The following RPS6KC1 variants were observed in gnomAD, a reference collection of about 807,000 sequenced individuals.
The protein encoded by RPS6KC1 is ribosomal protein S6 kinase C1, also known as inactive ribosomal protein S6 kinase delta-1.
RPS6KC1 carries 54 observed loss-of-function variants against 103.8 expected under a neutral mutation model. The observed-to-expected ratio is 0.52, with a 90% CI of 0.42 to 0.65. The LOEUF is 0.65. RPS6KC1 is among the 30% of genes least tolerant of loss of function. The probability of loss-of-function intolerance (pLI) is 0.00; values close to 1 mark genes in which losing one functional copy is unlikely to be tolerated. For synonymous variants in RPS6KC1, 439 were observed against 438.7 expected (o/e 1.00, Z -0.01); for missense variants, 1,151 against 1,253.8 (o/e 0.92, Z 1.24).
the RPS6KC1 span, among the ~76,000 whole-genome samples, chr1:213,487,863 T>C: frequency 1.3e-5 from 2 of 150,070 alleles, no homozygotes; most frequent in African/African-American, 4.9e-5. Flanking sequence ...TTTCCTACCT[T>C]ATCTACACAT....
At chr1:213,354,574 G>T in the RPS6KC1 span, among the ~76,000 whole-genome samples, 3 of 152,314 alleles carry the variant, frequency 2.0e-5, no homozygotes, top group East Asian at 5.8e-4. Context: ...TCTTATAAAG[G>T]TTGAGAGTCC....
the RPS6KC1 span, among the ~76,000 whole-genome samples, chr1:213,363,401 GCT>G: frequency 6.6e-6 from 1 of 152,172 alleles, no homozygotes. Flanking sequence ...CTGAGCACCT[GCT>G]CTAGGATGTC....
the RPS6KC1 span, among the ~76,000 whole-genome samples, chr1:213,357,200 T>C: frequency 6.6e-6 from 1 of 151,656 alleles, no homozygotes; most frequent in African/African-American, 2.4e-5. Context: ...TCAGCTTTCT[T>C]GGTGATTGTT....
chr1:213,102,578 A>T (rs1317610640), intron 3 of RPS6KC1, among the ~76,000 whole-genome samples: 2 of 152,186 alleles, frequency 1.3e-5, no homozygotes, highest in African/African-American at 4.8e-5. Flanking sequence ...GCTGGCAATT[A>T]CAATTTTTTT....
intron 8 of RPS6KC1, among the ~76,000 whole-genome samples, chr1:213,206,312 G>C (rs997789637): frequency 6.6e-6 from 1 of 152,220 alleles, no homozygotes; most frequent in African/African-American, 2.4e-5. Context: ...TACAGATCTT[G>C]TGGTCTATCT....
chr1:213,535,486 A>G, the RPS6KC1 span, among the ~76,000 whole-genome samples: 1 of 152,094 alleles, frequency 6.6e-6, no homozygotes, highest in African/African-American at 2.4e-5. Context: ...GGGCCCTGGG[A>G]GCCCCTCAGT....
In RPS6KC1 at chr1:213,245,375, C is replaced by G. The variant is rs150574442; in HGVS notation, c.2911+2717C>G. Among the ~76,000 whole-genome samples, 495 of 152,252 alleles carry G rather than the reference C, an allele frequency of 3.3e-3. 4 individuals carry two copies. The highest frequency in any genetic ancestry group is 0.013 in the South Asian group (65 of 4,822). On this transcript the variant is annotated intron_variant, in intron 12 of 14. Coordinates refer to ENST00000366960, the MANE Select transcript of RPS6KC1 (RefSeq NM_012424.6). ...AAGTAATTTCCTTTCATGTGATCCC[C>G]TCCCTCTTACTTCCCAAGTCTAACC...
At chr1:213,312,265 C>T in the RPS6KC1 span, among the ~76,000 whole-genome samples, 3 of 152,028 alleles carry the variant, frequency 2.0e-5, no homozygotes, top group African/African-American at 7.2e-5. Flanking sequence ...GGGGCAACTG[C>T]ACCCCATGGC....
chr1:213,636,322 G>T, the RPS6KC1 span, among the ~76,000 whole-genome samples: 7 of 152,126 alleles, frequency 4.6e-5, no homozygotes, highest in African/African-American at 1.7e-4. Flanking sequence ...AGAAACCTAA[G>T]CAAAAAGAAC....
the RPS6KC1 span, among the ~76,000 whole-genome samples, chr1:213,577,402 T>C: frequency 6.6e-6 from 1 of 152,176 alleles, no homozygotes; most frequent in African/African-American, 2.4e-5. Context: ...ACTAATACAG[T>C]AAATTGGTAC....
At chr1:213,204,441 A>G (rs1164369056) in intron 8 of RPS6KC1, among the ~76,000 whole-genome samples, 1 of 152,142 alleles carries the variant, frequency 6.6e-6, no homozygotes, top group Non-Finnish European at 1.5e-5. Flanking sequence ...TTTGTAGTAC[A>G]ATAAAGTTTG....
At chr1:213,853,834 C>G in the RPS6KC1 span, among the ~76,000 whole-genome samples, 2 of 152,206 alleles carry the variant, frequency 1.3e-5, no homozygotes, top group Non-Finnish European at 2.9e-5. Flanking sequence ...CATCTGAACA[C>G]CACATATTGC....
the RPS6KC1 span, among the ~76,000 whole-genome samples, chr1:213,575,361 T>A: frequency 6.6e-6 from 1 of 152,134 alleles, no homozygotes; most frequent in Admixed American, 6.5e-5. Context: ...CAATGAGACC[T>A]GTAAGAGGAT....
At chr1:213,584,685 G>T in the RPS6KC1 span, among the ~76,000 whole-genome samples, 1 of 152,242 alleles carries the variant, frequency 6.6e-6, no homozygotes, top group African/African-American at 2.4e-5. Flanking sequence ...GAATTGCAGG[G>T]AAACTGTTTA....
At chr1:213,354,662 C>T in the RPS6KC1 span, among the ~76,000 whole-genome samples, 7 of 152,172 alleles carry the variant, frequency 4.6e-5, no homozygotes, top group African/African-American at 1.7e-4. Context: ...TGCAGGACAA[C>T]ACATGGCAAG....
the RPS6KC1 span, among the ~76,000 whole-genome samples, chr1:213,364,780 C>T: frequency 9.6e-4 from 146 of 152,054 alleles, no homozygotes; most frequent in African/African-American, 3.1e-3. Context: ...GTGGTAAAAC[C>T]GTGTCTCTAC....
chr1:213,663,841 C>T, the RPS6KC1 span, among the ~76,000 whole-genome samples: 1 of 152,172 alleles, frequency 6.6e-6, no homozygotes, highest in Non-Finnish European at 1.5e-5. Context: ...GTGAGAAAGT[C>T]AAGCCAGGCA....
chr1:213,712,763 G>A, the RPS6KC1 span, among the ~76,000 whole-genome samples: 155 of 152,314 alleles, frequency 1.0e-3, no homozygotes, highest in African/African-American at 3.6e-3. Context: ...TGGGCTTGGG[G>A]AGGGAGTTCC....
At chr1:213,110,912 A>T (rs1223511319) in intron 4 of RPS6KC1, among the ~76,000 whole-genome samples, 1 of 150,730 alleles carries the variant, frequency 6.6e-6, no homozygotes, top group Non-Finnish European at 1.5e-5. Context: ...TTTGGCCCTG[A>T]GATTGCTACT....
Sources: allele counts gnomAD v4.1 joint callset (sites outside exome capture counted in the v4.1 genomes callset), GRCh38; gene constraint gnomAD v4.1.1; transcripts MANE v1.5; gene names NCBI Gene and HGNC (gene_info 2026-07-23, HGNC 2026-07-21).